IPCEF1: variants seen among roughly 807,000 people sequenced by gnomAD.
IPCEF1 encodes interactor protein for cytohesin exchange factors 1.
In IPCEF1, 31 loss-of-function variants were observed where a neutral mutation model predicts 50.9. The ratio of observed to expected loss-of-function variants is 0.61; its 90% CI spans 0.46 to 0.82. The LOEUF (loss-of-function observed/expected upper bound fraction) is 0.82. Among genes scored for constraint, IPCEF1 ranks in the 40% least tolerant of loss-of-function variants. IPCEF1 has a pLI of 0.00. For synonymous variants in IPCEF1, 181 were observed against 192.0 expected, an observed-to-expected ratio of 0.94 and a Z score of 0.47; for missense variants, 458 against 514.0, an observed-to-expected ratio of 0.89 and a Z score of 1.05.
At chr6:154,333,820 T>A (rs143373892) in intron 1 of IPCEF1, among the ~76,000 whole-genome samples, 1 of 152,022 alleles carries the variant, frequency 6.6e-6, no homozygotes, top group Non-Finnish European at 1.5e-5. Context: ...TGTGTAAATA[T>A]ATATATACAT....
At chr6:154,266,413 A>T (rs149646893) in intron 2 of IPCEF1, among the ~76,000 whole-genome samples, 1 of 151,976 alleles carries the variant, frequency 6.6e-6, no homozygotes, top group African/African-American at 2.4e-5. Context: ...ATGAATAAAT[A>T]AATAAATAGC....
At chr6:154,278,184 A>C (rs1320371123) in intron 2 of IPCEF1, among the ~76,000 whole-genome samples, 1 of 152,230 alleles carries the variant, frequency 6.6e-6, no homozygotes, top group Admixed American at 6.5e-5. Flanking sequence ...TAGATTGGAA[A>C]TTGATTTTTA....
At chr6:154,335,775 A>G (rs1341694934) in intron 1 of IPCEF1, among the ~76,000 whole-genome samples, 1 of 152,234 alleles carries the variant, frequency 6.6e-6, no homozygotes, top group Non-Finnish European at 1.5e-5. Context: ...CAGAATAACA[A>G]GGAACTCACT....
At chr6:154,189,631 G>T (rs991334793) in intron 10 of IPCEF1, among the ~76,000 whole-genome samples, 2 of 152,196 alleles carry the variant, frequency 1.3e-5, no homozygotes, top group Non-Finnish European at 2.9e-5. Context: ...GTATTACCCA[G>T]ATTTGATCAT....
chr6:154,281,353 G>A (rs1462554060), intron 2 of IPCEF1, among the ~76,000 whole-genome samples: 3 of 144,568 alleles, frequency 2.1e-5, no homozygotes, highest in Non-Finnish European at 4.6e-5. Context: ...ACCTCATCTC[G>A]AAAAAAAAAA....
At chr6:154,270,576 C>T (rs1342368523) in intron 2 of IPCEF1, among the ~76,000 whole-genome samples, 1 of 152,142 alleles carries the variant, frequency 6.6e-6, no homozygotes, top group Non-Finnish European at 1.5e-5. Context: ...CATATTAATG[C>T]TTGTTAAATT....
At chr6:154,266,222 A>T (rs1440539378) in intron 2 of IPCEF1, among the ~76,000 whole-genome samples, 1 of 151,990 alleles carries the variant, frequency 6.6e-6, no homozygotes, top group East Asian at 1.9e-4. Context: ...CCCTGTCCCT[A>T]AAAGAAAAAA....
chr6:154,247,356 G>A (rs1460295609), intron 4 of IPCEF1, 93 bp downstream of exon 4: 2 of 995,550 alleles, frequency 2.0e-6, no homozygotes, highest in African/African-American at 1.6e-5. Flanking sequence ...CATTAAGACA[G>A]ACAGAAATCT....
At chr6:154,322,976 AAC>A (rs1445583877) in intron 1 of IPCEF1, among the ~76,000 whole-genome samples, 6 of 152,262 alleles carry the variant, frequency 3.9e-5, no homozygotes, top group Non-Finnish European at 8.8e-5. Context: ...AAATATATGA[AAC>A]AGTTAGAGGA....
chr6:154,223,066 C>T (rs1778992403), intron 6 of IPCEF1, 104 bp downstream of exon 6: 12 of 888,380 alleles, frequency 1.4e-5, no homozygotes, highest in East Asian at 7.6e-5. Flanking sequence ...TCAGACATTC[C>T]GATGTTACCT....
intron 2 of IPCEF1, among the ~76,000 whole-genome samples, chr6:154,276,283 GAAAAA>G (rs57707458): frequency 7.5e-6 from 1 of 132,592 alleles, no homozygotes; most frequent in Admixed American, 7.2e-5. Context: ...AAAAAGAAAA[GAAAAA>G]AAAAGAAAAG....
chr6:154,290,794 A>T (rs533094004), intron 1 of IPCEF1, among the ~76,000 whole-genome samples: 67 of 152,128 alleles, frequency 4.4e-4, no homozygotes, highest in Middle Eastern at 3.4e-3. Context: ...ACACCCCATG[A>T]TACATTTTTA....
intron 3 of IPCEF1, among the ~76,000 whole-genome samples, chr6:154,256,537 GTCTCTCTCTCTC>G (rs10644644): frequency 6.8e-6 from 1 of 146,122 alleles, no homozygotes; most frequent in Non-Finnish European, 1.5e-5. Flanking sequence ...CTCTGTCTCC[GTCTCTCTCTCTC>G]TCTCTCTCTC....
intron 6 of IPCEF1, among the ~76,000 whole-genome samples, chr6:154,222,384 C>T (rs1346577568): frequency 1.3e-5 from 2 of 152,216 alleles, no homozygotes; most frequent in African/African-American, 4.8e-5. Flanking sequence ...TAAAAGAAAA[C>T]TACTCAATTG....
At position 154,214,133 on chromosome 6, in the gene IPCEF1, A is replaced by G. The variant is rs1328179820; in HGVS notation, c.451+85T>C. ...ATGTTTCCTCAGGATCAGACTATAC[A>G]TAGAACTTGACATTGTTTTTTCACC... On this transcript the variant is annotated intron_variant, in intron 8 of 11. Coordinates refer to ENST00000367220, the MANE Select transcript of IPCEF1 (RefSeq NM_001130700.2). 6.7e-6 allele frequency: 6 copies of G among 892,448 alleles called. No individual in the cohort carries two copies. The Admixed American group carries it at 1.0e-4, about 16-fold the overall frequency. 55.3% of individuals were successfully genotyped at this position (892,448 alleles called of 1,614,324 possible).
At chr6:154,162,969 A>T (rs1219050037) in intron 11 of IPCEF1, among the ~76,000 whole-genome samples, 2 of 152,126 alleles carry the variant, frequency 1.3e-5, no homozygotes, top group Non-Finnish European at 2.9e-5. Flanking sequence ...TCCACAAAGC[A>T]CTTAATGGTA....
intron 1 of IPCEF1, among the ~76,000 whole-genome samples, chr6:154,355,949 A>C (rs1312265667): frequency 6.6e-6 from 1 of 151,956 alleles, no homozygotes; most frequent in Non-Finnish European, 1.5e-5. Flanking sequence ...CATTGTGCCC[A>C]GCCCTCGGTT....
intron 10 of IPCEF1, among the ~76,000 whole-genome samples, chr6:154,180,630 C>T (rs1800792242): frequency 1.3e-5 from 2 of 152,118 alleles, no homozygotes; most frequent in African/African-American, 4.8e-5. Context: ...ACACTGTATG[C>T]AGATTATCTC....
intron 10 of IPCEF1, 91 bp downstream of exon 10, chr6:154,199,577 T>G: frequency 7.3e-7 from 1 of 1,374,650 alleles, no homozygotes; most frequent in Non-Finnish European, 9.8e-7. Flanking sequence ...CATTCATGAG[T>G]TTAACCATTC....
Sources: gnomAD v4.1 joint callset for allele counts (sites outside exome capture counted in the v4.1 genomes callset) on GRCh38, gnomAD v4.1.1 for gene constraint, MANE v1.5 for transcripts, NCBI Gene and HGNC (gene_info 2026-07-23, HGNC 2026-07-21) for gene names.